Variants in WWOX observed in about 807,000 individuals in gnomAD.
The protein encoded by WWOX is WW domain-containing oxidoreductase.
In WWOX, 69 loss-of-function variants were observed where a neutral mutation model predicts 46.2. The observed-to-expected ratio is 1.49, with a 90% confidence interval of 1.23 to 1.82. WWOX has a LOEUF of 1.82. WWOX is among the 40% of genes most tolerant of loss of function. WWOX has a pLI of 0.00. For synonymous variants in WWOX, 359 were observed against 202.6 expected (o/e 1.77, Z -6.56); for missense variants, 919 against 542.6 (o/e 1.69, Z -6.89).
chr16:79,048,453 C>T (rs1248125237), intron 8 of WWOX, among the ~76,000 whole-genome samples: 3 of 152,108 alleles, frequency 2.0e-5, no homozygotes, highest in South Asian at 4.2e-4. Flanking sequence ...TCAGAGTTCA[C>T]GTGTGTCTAT....
At chr16:78,867,060 G>A (rs1481950267) in intron 8 of WWOX, among the ~76,000 whole-genome samples, 1 of 152,182 alleles carries the variant, frequency 6.6e-6, no homozygotes, top group Non-Finnish European at 1.5e-5. Flanking sequence ...GAAGGCTTGA[G>A]GAAGTATTCA....
chr16:78,891,550 A>G (rs754888418), intron 8 of WWOX: 16 of 152,236 alleles, frequency 1.1e-4, no homozygotes, highest in Non-Finnish European at 1.5e-4. Flanking sequence ...GTTACTGACT[A>G]GTTGCCTTTA....
In WWOX at chr16:78,279,490, T is replaced by A. The variant is rs2079638845; in HGVS notation, c.517-107370T>A. 2.6e-5 allele frequency among the ~76,000 whole-genome samples: 4 copies of A among 152,234 alleles called. No homozygotes were observed. The South Asian group carries it at 8.3e-4, about 31-fold the overall frequency. ...TATTTTCTGAGGTTAATTATTACCCTAAGAAATCAATTTCAATTTCTTCAG... is the reference window on the plus strand; with the variant it reads ...TATTTTCTGAGGTTAATTATTACCCAAAGAAATCAATTTCAATTTCTTCAG... On this transcript the variant is annotated intron_variant, in intron 5 of 8. Coordinates refer to ENST00000566780, the MANE Select transcript of WWOX (RefSeq NM_016373.4).
intron 8 of WWOX, among the ~76,000 whole-genome samples, chr16:79,162,137 AG>A (rs1428122164): frequency 6.6e-6 from 1 of 152,196 alleles, no homozygotes; most frequent in Non-Finnish European, 1.5e-5. Flanking sequence ...CTGTGAGTAA[AG>A]GGTGCCTGGT....
intron 5 of WWOX, among the ~76,000 whole-genome samples, chr16:78,337,354 C>T (rs8060138): frequency 0.024 from 3,581 of 152,224 alleles, 148 homozygotes; most frequent in African/African-American, 0.082. Context: ...ACCCACCGAT[C>T]GCAATTGAGC....
At chr16:79,118,978 A>C (rs1416315938) in intron 8 of WWOX, among the ~76,000 whole-genome samples, 3 of 152,230 alleles carry the variant, frequency 2.0e-5, no homozygotes, top group Non-Finnish European at 2.9e-5. Context: ...GTGTTGTGAT[A>C]AACATCTCTG....
At chr16:78,439,715 G>T (rs973151674) in intron 8 of WWOX, among the ~76,000 whole-genome samples, 2 of 152,234 alleles carry the variant, frequency 1.3e-5, no homozygotes, top group Admixed American at 6.5e-5. Context: ...CCCACTTAAA[G>T]GTGGCTGAAA....
intron 8 of WWOX, among the ~76,000 whole-genome samples, chr16:78,622,604 C>T (rs764324316): frequency 7.2e-5 from 11 of 151,876 alleles, no homozygotes; most frequent in East Asian, 1.9e-4. Flanking sequence ...GACCCTAAGA[C>T]GGCCCCAGTG....
chr16:78,884,930 C>G (rs972953824), intron 8 of WWOX, among the ~76,000 whole-genome samples: 3 of 152,194 alleles, frequency 2.0e-5, no homozygotes, highest in Non-Finnish European at 4.4e-5. Context: ...TCTGCTTTTC[C>G]CATCAATTCA....
chr16:78,912,418 C>G (rs192064137), intron 8 of WWOX, among the ~76,000 whole-genome samples: 55 of 151,980 alleles, frequency 3.6e-4, no homozygotes, highest in African/African-American at 1.3e-3. Context: ...CAGGGTCACA[C>G]AATTAGTAGA....
chr16:79,006,942 C>G (rs1322093995), intron 8 of WWOX, among the ~76,000 whole-genome samples: 8 of 152,164 alleles, frequency 5.3e-5, no homozygotes, highest in Non-Finnish European at 1.0e-4. Flanking sequence ...TTAAGATCAG[C>G]TGATTAGCAA....
intron 8 of WWOX, among the ~76,000 whole-genome samples, chr16:78,815,370 G>A (rs1309729946): frequency 6.6e-6 from 1 of 151,836 alleles, no homozygotes; most frequent in Non-Finnish European, 1.5e-5. Context: ...TAGCTGACAA[G>A]GGCAGGAGCT....
At chr16:78,564,769 A>G (rs2044524506) in intron 8 of WWOX, among the ~76,000 whole-genome samples, 1 of 152,050 alleles carries the variant, frequency 6.6e-6, no homozygotes, top group Non-Finnish European at 1.5e-5. Context: ...CTATTTCCTT[A>G]TTTGTTTAAA....
chr16:78,990,950 C>T (rs1041210178), intron 8 of WWOX, among the ~76,000 whole-genome samples: 2 of 152,220 alleles, frequency 1.3e-5, no homozygotes, highest in East Asian at 1.9e-4. Flanking sequence ...AACCGACCTC[C>T]AGGGGAGCTT....
chr16:78,677,614 G>A (rs1161430515), intron 8 of WWOX, among the ~76,000 whole-genome samples: 1 of 152,168 alleles, frequency 6.6e-6, no homozygotes, highest in African/African-American at 2.4e-5. Context: ...TGGGACACCT[G>A]ACTTTCACCT....
chr16:78,349,888 C>T (rs1483839717), intron 5 of WWOX, among the ~76,000 whole-genome samples: 1 of 120,550 alleles, frequency 8.3e-6, no homozygotes, highest in Non-Finnish European at 2.0e-5. Context: ...AGTCTCATTC[C>T]CCAGAAATAA....
chr16:78,432,402 A>G (rs1326536011), intron 7 of WWOX, 86 bp from the exon 8 acceptor site: 1 of 1,562,786 alleles, frequency 6.4e-7, no homozygotes, highest in Admixed American at 1.7e-5. Flanking sequence ...CACTGCACCC[A>G]GCATTCCTTA....
At chr16:78,110,469 G>C (rs889530175) in intron 3 of WWOX, among the ~76,000 whole-genome samples, 4 of 152,042 alleles carry the variant, frequency 2.6e-5, no homozygotes, top group African/African-American at 7.2e-5. Flanking sequence ...CTATTTAGCA[G>C]CTCTAGAGTT....
intron 8 of WWOX, among the ~76,000 whole-genome samples, chr16:78,465,473 C>A (rs1272148902): frequency 6.6e-6 from 1 of 152,200 alleles, no homozygotes; most frequent in Non-Finnish European, 1.5e-5. Context: ...AGCCACCACA[C>A]CCAGCCTGGG....
Sources: allele counts gnomAD v4.1 joint callset (sites outside exome capture counted in the v4.1 genomes callset), GRCh38; gene constraint gnomAD v4.1.1; transcripts MANE v1.5; gene names NCBI Gene and HGNC (gene_info 2026-07-23, HGNC 2026-07-21).